The following OSBPL8 variants were observed in gnomAD, a reference collection of about 807,000 sequenced individuals.
OSBPL8 encodes oxysterol binding protein like 8.
In OSBPL8, 59 loss-of-function variants were observed where a neutral mutation model predicts 125.5. That is an observed-to-expected ratio of 0.47 (90% confidence interval 0.38 to 0.58). OSBPL8 has a LOEUF of 0.58. Ranked by LOEUF, OSBPL8 falls within the 20% of genes least tolerant of loss-of-function variation. The probability of loss-of-function intolerance (pLI) is 0.00; values close to 1 mark genes in which losing one functional copy is unlikely to be tolerated. For missense variants in OSBPL8, 758 were observed against 1,047.8 expected, an observed-to-expected ratio of 0.72 and a Z score of 3.82; for synonymous variants, 330 against 338.9, an observed-to-expected ratio of 0.97 and a Z score of 0.29.
In OSBPL8 at chr12:76,450,895, T is replaced by C. The variant is rs747837718; in HGVS notation, c.173A>G (p.Asp58Gly). The part of the protein sequence containing the change: ...GKEAYPTPTK[D>G]LHQPSLSPAS... ...TGGACTAAGAGATGGCTGATGCAAA[T>C]CTTTGGTTGGCGTTGGATAAGCTTC... Residue 58 changes from aspartate (D) to glycine (G), a missense_variant, in exon 4 of 24, where the codon GAT becomes GGT. This residue lies in a region of OSBPL8 where 117 missense variants were observed against 137.1 expected (regional missense o/e 0.85). Coordinates refer to ENST00000261183, the MANE Select transcript of OSBPL8 (RefSeq NM_020841.5). The C allele has an allele frequency of 6.2e-7, 1 of 1,613,794 alleles. No individual in the cohort carries two copies. Among genetic ancestry groups the C allele is most frequent in the Non-Finnish European group, 8.5e-7 (1 of 1,179,884 alleles).
At chr12:76,512,550 G>A (rs904252923) in intron 1 of OSBPL8, among the ~76,000 whole-genome samples, 3 of 152,110 alleles carry the variant, frequency 2.0e-5, no homozygotes, top group African/African-American at 7.2e-5. Flanking sequence ...CTATGTGTCT[G>A]TTTTTCTACA....
chr12:76,454,938 T>C (rs1338818379), intron 3 of OSBPL8, among the ~76,000 whole-genome samples: 4 of 151,600 alleles, frequency 2.6e-5, no homozygotes, highest in Non-Finnish European at 5.9e-5. Flanking sequence ...GGCTCAGGGA[T>C]AAAAAAGCAG....
chr12:76,407,552 G>A (rs1238195290), intron 5 of OSBPL8, among the ~76,000 whole-genome samples: 1 of 152,102 alleles, frequency 6.6e-6, no homozygotes, highest in Non-Finnish European at 1.5e-5. Flanking sequence ...CCAGCAGAAT[G>A]TTAAAATATT....
intron 2 of OSBPL8, among the ~76,000 whole-genome samples, chr12:76,463,454 A>G (rs1167895819): frequency 6.6e-6 from 1 of 152,220 alleles, no homozygotes; most frequent in African/African-American, 2.4e-5. Context: ...CCAAGTGGAA[A>G]TGTCAAGTAA....
intron 14 of OSBPL8, 96 bp downstream of exon 14, chr12:76,386,072 G>A: frequency 6.7e-7 from 1 of 1,484,086 alleles, no homozygotes; most frequent in Non-Finnish European, 9.0e-7. Context: ...AATAAGAAAG[G>A]CTAAATAATA....
intron 21 of OSBPL8, among the ~76,000 whole-genome samples, chr12:76,364,816 A>G (rs2136164649): frequency 1.3e-5 from 2 of 152,198 alleles, no homozygotes; most frequent in Admixed American, 1.3e-4. Context: ...TCCTCTTTAT[A>G]CTTCTTTTTC....
chr12:76,386,261 C>T lies in OSBPL8; in HGVS notation c.1440G>A (p.Leu480=), dbSNP rs761771463. 2 of 1,556,902 alleles carry T rather than the reference C, an allele frequency of 1.3e-6. No homozygotes were observed. Among genetic ancestry groups the T allele is most frequent in the South Asian group, 1.2e-5 (1 of 84,982 alleles). The stretch of plus-strand genomic sequence containing the variant: ...CAAGTATAGGATTATAAGGTTTCTT[C>T]AGTCCCTGGTAAAAAAAAAAAAAAG... ...LSGFYKKPKG[L]KKPYNPILGE... is the part of the protein sequence containing the mutation. The change falls in exon 14 of 24, where the codon CTG becomes CTA. Residue 480 remains leucine (L), a synonymous_variant. Coordinates refer to ENST00000261183, the MANE Select transcript of OSBPL8 (RefSeq NM_020841.5).
chr12:76,484,737 C>T (rs1217949545), intron 2 of OSBPL8, among the ~76,000 whole-genome samples: 1 of 152,052 alleles, frequency 6.6e-6, no homozygotes, highest in Non-Finnish European at 1.5e-5. Flanking sequence ...TAGCTTAGAC[C>T]AAGCAGTTCA....
At chr12:76,552,639 T>C (rs1950978316) in intron 1 of OSBPL8, among the ~76,000 whole-genome samples, 1 of 152,042 alleles carries the variant, frequency 6.6e-6, no homozygotes, top group African/African-American at 2.4e-5. Context: ...CAGATCTCTT[T>C]CAGACCATGT....
intron 4 of OSBPL8, among the ~76,000 whole-genome samples, chr12:76,416,672 A>G (rs1334812064): frequency 6.6e-6 from 1 of 152,044 alleles, no homozygotes; most frequent in African/African-American, 2.4e-5. Context: ...TTTTATCCCT[A>G]GTCCTTCCCT....
intron 12 of OSBPL8, 120 bp from the exon 13 acceptor site, chr12:76,386,780 G>T (rs957084224): frequency 3.2e-6 from 2 of 632,926 alleles, no homozygotes; most frequent in African/African-American, 1.9e-5. Context: ...ATTTTAAATG[G>T]ATGACAAAAC....
intron 1 of OSBPL8, among the ~76,000 whole-genome samples, chr12:76,543,706 C>T (rs1950706868): frequency 6.6e-6 from 1 of 152,108 alleles, no homozygotes; most frequent in Non-Finnish European, 1.5e-5. Flanking sequence ...TGGAATTAAA[C>T]TTAGCCATGG....
chr12:76,445,091 A>C (rs1872595470), intron 4 of OSBPL8, among the ~76,000 whole-genome samples: 1 of 152,190 alleles, frequency 6.6e-6, no homozygotes, highest in East Asian at 1.9e-4. Context: ...GTATGTAAAA[A>C]ATAATTTTCT....
intron 4 of OSBPL8, chr12:76,422,584 G>A (rs563712117): frequency 1.5e-4 from 67 of 456,586 alleles, no homozygotes; most frequent in African/African-American, 1.1e-3. Context: ...CATCAATCCG[G>A]GGAGGAAATA....
At chr12:76,542,143 C>T (rs906996207) in intron 1 of OSBPL8, among the ~76,000 whole-genome samples, 3 of 152,128 alleles carry the variant, frequency 2.0e-5, no homozygotes, top group Non-Finnish European at 2.9e-5. Context: ...TGCACCCCAG[C>T]CTGGGAAACA....
At chr12:76,463,171 G>A (rs997601385) in intron 2 of OSBPL8, among the ~76,000 whole-genome samples, 6 of 152,142 alleles carry the variant, frequency 3.9e-5, no homozygotes, top group East Asian at 1.9e-4. Context: ...AGGGGGAATC[G>A]TGGACCAAAG....
intron 2 of OSBPL8, among the ~76,000 whole-genome samples, chr12:76,479,070 A>G (rs535607744): frequency 6.6e-6 from 1 of 152,324 alleles, no homozygotes; most frequent in African/African-American, 2.4e-5. Flanking sequence ...CAGTATAACA[A>G]AGTATACCTA....
At chr12:76,512,616 C>T (rs183533771) in intron 1 of OSBPL8, among the ~76,000 whole-genome samples, 78 of 152,240 alleles carry the variant, frequency 5.1e-4, no homozygotes, top group African/African-American at 1.7e-3. Flanking sequence ...AGTCAGGTAA[C>T]GTGATGCCTC....
chr12:76,496,234 G>A (rs1468847325), intron 1 of OSBPL8, among the ~76,000 whole-genome samples: 5 of 151,460 alleles, frequency 3.3e-5, no homozygotes, highest in South Asian at 2.1e-4. Context: ...GTGTTCTTCC[G>A]TCCAGGGAAT....
Sources: gnomAD v4.1 joint callset for allele counts (sites outside exome capture counted in the v4.1 genomes callset) on GRCh38, gnomAD v4.1.1 for gene constraint, gnomAD v4.1.1 regional missense constraint, MANE v1.5 for transcripts, NCBI Gene and HGNC (gene_info 2026-07-23, HGNC 2026-07-21) for gene names.